NCAM1: variants seen among roughly 807,000 people sequenced by gnomAD.
NCAM1 encodes the protein neural cell adhesion molecule 1, also known as antigen recognized by monoclonal antibody 5.1H11.
In NCAM1, 14 loss-of-function variants were observed where a neutral mutation model predicts 109.8. The observed-to-expected ratio is 0.13, with a 90% confidence interval of 0.08 to 0.20. The LOEUF (loss-of-function observed/expected upper bound fraction) is 0.20, where lower values mean the gene tolerates loss of function less well. NCAM1 is among the 10% of genes least tolerant of loss of function. The probability of loss-of-function intolerance (pLI) is 1.00; values close to 1 mark genes in which losing one functional copy is unlikely to be tolerated. For synonymous variants in NCAM1, 418 were observed against 442.9 expected (o/e 0.94, Z 0.70); for missense variants, 774 against 1,109.9 (o/e 0.70, Z 4.30).
chr11:112,961,563 G>GC lies in NCAM1; in HGVS notation c.-50_-49insC, dbSNP rs1414896212. ...CGTCCACACTCGCTGCAGGGGGGGG[G>GC]GCACAGAATTTACCGCGGCAAGAAC... On this transcript the variant is annotated 5_prime_UTR_variant, in exon 1 of 20. Coordinates refer to ENST00000316851, the MANE Select transcript of NCAM1 (RefSeq NM_181351.5). The GC allele has an allele frequency of 6.0e-6, 7 of 1,175,446 alleles. No individual in the cohort carries two copies. The highest frequency in any genetic ancestry group is 2.3e-5 in the East Asian group (1 of 42,842). 72.8% of individuals were successfully genotyped at this position (1,175,446 alleles called of 1,614,324 possible). A position where few individuals can be genotyped will look rare whatever the true frequency, so the allele number is the denominator to read the frequency against.
rs1555120213 is a variant in NCAM1 at position 113,246,346 on chromosome 11, T to C, written c.1826-22T>C. The C allele has an allele frequency of 6.8e-6, 5 of 739,814 alleles. No individual in the cohort carries two copies. In the South Asian group the frequency reaches 7.2e-5, roughly 11 times the overall value. 45.8% of individuals were successfully genotyped at this position (739,814 alleles called of 1,614,324 possible). On this transcript the variant is annotated intron_variant, in intron 14 of 19. Transcript: ENST00000316851. ...CATGTGGCTTGCATGGTGCTGATGA[T>C]GTCGTCCACGCTGGTGAACAGAAGG...
chr11:113,202,194 G>A (rs1473161893), intron 1 of NCAM1, among the ~76,000 whole-genome samples, 185 bp from the exon 2 acceptor site: 1 of 152,138 alleles, frequency 6.6e-6, no homozygotes, highest in Non-Finnish European at 1.5e-5. Context: ...CCTGGCTGTT[G>A]GTGGCACAAG....
chr11:113,025,589 A>G (rs1299284669), intron 1 of NCAM1, among the ~76,000 whole-genome samples: 3 of 152,080 alleles, frequency 2.0e-5, no homozygotes, highest in Non-Finnish European at 2.9e-5. Context: ...TCCAGAGAGT[A>G]AGTGAGCAGA....
chr11:112,998,724 T>C (rs1951663689), intron 1 of NCAM1, among the ~76,000 whole-genome samples: 1 of 152,182 alleles, frequency 6.6e-6, no homozygotes, highest in Non-Finnish European at 1.5e-5. Context: ...AACGATTATC[T>C]ACCCTATTCT....
chr11:113,139,507 C>T (rs1798103365), intron 1 of NCAM1, among the ~76,000 whole-genome samples: 1 of 151,956 alleles, frequency 6.6e-6, no homozygotes, highest in Admixed American at 6.6e-5. Context: ...TTGCAGGAAA[C>T]ATCAAATATT....
chr11:113,075,881 TC>T, intron 1 of NCAM1, among the ~76,000 whole-genome samples: 1 of 152,342 alleles, frequency 6.6e-6, no homozygotes, highest in Non-Finnish European at 1.5e-5. Context: ...TAAATGCTTG[TC>T]ATCATCCTTG....
intron 1 of NCAM1, among the ~76,000 whole-genome samples, chr11:113,181,002 C>T (rs1370618727): frequency 6.6e-6 from 1 of 152,184 alleles, no homozygotes; most frequent in African/African-American, 2.4e-5. Flanking sequence ...ATTCATATTG[C>T]AGTTTTTGGT....
At chr11:113,055,736 T>A (rs1429556981) in intron 1 of NCAM1, among the ~76,000 whole-genome samples, 1 of 151,866 alleles carries the variant, frequency 6.6e-6, no homozygotes, top group Admixed American at 6.6e-5. Context: ...TGATGAGATA[T>A]CACTTCTGTG....
intron 1 of NCAM1, among the ~76,000 whole-genome samples, chr11:113,199,034 G>A (rs1191387142): frequency 6.6e-6 from 1 of 152,194 alleles, no homozygotes; most frequent in Non-Finnish European, 1.5e-5. Context: ...AAGCACTGTT[G>A]GAAGCGCCTC....
chr11:113,254,103 TATA>T (rs1351226642), intron 15 of NCAM1, among the ~76,000 whole-genome samples: 1 of 152,236 alleles, frequency 6.6e-6, no homozygotes, highest in Non-Finnish European at 1.5e-5. Context: ...ACTGGATATC[TATA>T]ATGACATAGC....
rs782240055 is a variant in NCAM1, at chr11:113,260,280, T to C, written c.2088T>C (p.Ala696=). Residue 696 remains alanine, a synonymous_variant, in exon 17 of 20, where the codon GCT becomes GCC. Transcript: ENST00000316851. ...ACCAGCAAGGAAAATCCAAGGCGGC[T>C]CATTTTGTGTTCAGGACCTCGGCCC... The part of the protein sequence containing the change: ...AENQQGKSKA[A]HFVFRTSAQP... The C allele has an allele frequency of 6.2e-7, 1 of 1,613,900 alleles. No individual in the cohort carries two copies. Among genetic ancestry groups the C allele is most frequent in the Admixed American group, 1.7e-5 (1 of 60,012 alleles).
At chr11:112,975,326 T>G (rs1192312871) in intron 1 of NCAM1, among the ~76,000 whole-genome samples, 1 of 152,004 alleles carries the variant, frequency 6.6e-6, no homozygotes, top group Non-Finnish European at 1.5e-5. Context: ...ACTAGAAACA[T>G]TGACTTAATC....
chr11:112,987,263 A>G (rs1410029958), intron 1 of NCAM1, among the ~76,000 whole-genome samples: 1 of 152,192 alleles, frequency 6.6e-6, no homozygotes, highest in Non-Finnish European at 1.5e-5. Context: ...AAGATACTTG[A>G]TATGATTTCA....
At chr11:113,150,527 A>T (rs782439984) in intron 1 of NCAM1, among the ~76,000 whole-genome samples, 29 of 152,288 alleles carry the variant, frequency 1.9e-4, no homozygotes, top group Non-Finnish European at 3.4e-4. Context: ...AGCATCTTTC[A>T]TTCATATGCT....
intron 9 of NCAM1, among the ~76,000 whole-genome samples, chr11:113,227,575 C>T (rs1484692174): frequency 3.9e-5 from 6 of 152,206 alleles, no homozygotes; most frequent in African/African-American, 1.2e-4. Context: ...TTCTCTAACT[C>T]ATTTTATGAG....
intron 1 of NCAM1, among the ~76,000 whole-genome samples, chr11:113,093,912 A>G (rs1436543466): frequency 6.6e-6 from 1 of 152,092 alleles, no homozygotes; most frequent in Non-Finnish European, 1.5e-5. Flanking sequence ...CTTCCAGACC[A>G]GTTGGAAGCT....
At chr11:113,232,635 CTAACT>C in intron 11 of NCAM1, 78 bp from the exon 12 acceptor site, 1 of 1,155,402 alleles carries the variant, frequency 8.7e-7, no homozygotes, top group Non-Finnish European at 1.3e-6. Flanking sequence ...CTGTTTTTTA[CTAACT>C]TAATTCAGTA....
At chr11:113,140,388 C>T (rs1422938615) in intron 1 of NCAM1, among the ~76,000 whole-genome samples, 1 of 152,130 alleles carries the variant, frequency 6.6e-6, no homozygotes, top group African/African-American at 2.4e-5. Context: ...CTGAGCACAG[C>T]CTTCCACCTG....
At position 113,206,040 on chromosome 11, in the gene NCAM1, T is replaced by C; in HGVS notation, c.491-3T>C. 6.2e-7 allele frequency: 1 copy of C among 1,613,984 alleles called. No homozygotes were observed. Among genetic ancestry groups the C allele is most frequent in the Non-Finnish European group, 8.5e-7 (1 of 1,179,856 alleles). On this transcript the variant is annotated splice_region_variant and splice_polypyrimidine_tract_variant and intron_variant, in intron 4 of 19. Transcript: ENST00000316851. ...GGATGAACCTGCCTCTTATCTCTTC[T>C]AGTCCGATTCATAGTCCTGTCCAAC...
Sources: gnomAD v4.1 joint callset for allele counts (sites outside exome capture counted in the v4.1 genomes callset) on GRCh38, gnomAD v4.1.1 for gene constraint, MANE v1.5 for transcripts, NCBI Gene and HGNC (gene_info 2026-07-23, HGNC 2026-07-21) for gene names.